The following CDC14A variants were observed in gnomAD, a reference collection of about 807,000 sequenced individuals.
CDC14A encodes the protein dual specificity protein phosphatase CDC14A.
A neutral mutation model predicts 74.4 loss-of-function variants in CDC14A; 53 were observed. The observed-to-expected ratio is 0.71, with a 90% CI of 0.57 to 0.89. The LOEUF (loss-of-function observed/expected upper bound fraction) is 0.89, where lower values mean the gene tolerates loss of function less well. CDC14A is among the 40% of genes least tolerant of loss of function. The pLI, the probability that CDC14A is intolerant of heterozygous loss-of-function variation, is 0.00. For missense variants in CDC14A, 646 were observed against 713.7 expected (o/e 0.91, Z 1.08); for synonymous variants, 247 against 258.4 (o/e 0.96, Z 0.43).
intron 15 of CDC14A, chr1:100,499,533 A>G: frequency 1.9e-6 from 2 of 1,044,762 alleles, no homozygotes; most frequent in South Asian, 4.1e-5. Context: ...TAAAAGGGAA[A>G]TAGCTTTCAT....
chr1:100,360,970 C>T (rs776456314), intron 2 of CDC14A, among the ~76,000 whole-genome samples: 14 of 151,974 alleles, frequency 9.2e-5, no homozygotes, highest in African/African-American at 3.1e-4. Flanking sequence ...CACCACAGGG[C>T]GGCTTCATTA....
At chr1:100,353,034 G>A in intron 1 of CDC14A, 31 bp downstream of exon 1, 1 of 1,611,322 alleles carries the variant, frequency 6.2e-7, no homozygotes, top group African/African-American at 1.3e-5. Context: ...ATCTTCCAAC[G>A]CTTTCTTGCC....
intron 4 of CDC14A, among the ~76,000 whole-genome samples, chr1:100,420,063 C>CACATATATATATATATATAT: frequency 2.6e-4 from 16 of 61,594 alleles, no homozygotes; most frequent in Non-Finnish European, 3.8e-4. Flanking sequence ...CACACACACA[C>CACATATATATATATATATAT]ATATATATAT....
intron 8 of CDC14A, among the ~76,000 whole-genome samples, chr1:100,457,170 AC>A (rs1420027466): frequency 6.6e-6 from 1 of 152,216 alleles, no homozygotes; most frequent in African/African-American, 2.4e-5. Flanking sequence ...GTGTTTGACT[AC>A]GTTTTCTTAA....
intron 4 of CDC14A, among the ~76,000 whole-genome samples, chr1:100,394,863 G>A (rs1333174448): frequency 6.6e-6 from 1 of 152,182 alleles, no homozygotes; most frequent in Non-Finnish European, 1.5e-5. Flanking sequence ...TTTACTTGTT[G>A]ACAGTCTTGT....
At chr1:100,396,021 G>A (rs997574264) in intron 4 of CDC14A, among the ~76,000 whole-genome samples, 7 of 152,142 alleles carry the variant, frequency 4.6e-5, no homozygotes, top group African/African-American at 1.7e-4. Context: ...TTTCTTTACA[G>A]CATGCTACTA....
intron 1 of CDC14A, 107 bp downstream of exon 1, chr1:100,353,110 G>T: frequency 8.1e-7 from 1 of 1,228,662 alleles, no homozygotes; most frequent in Non-Finnish European, 1.2e-6. Flanking sequence ...TCCTGCAGCC[G>T]CTGCGCGCGC....
chr1:100,383,383 C>T (rs1656420111), intron 3 of CDC14A: 1 of 152,586 alleles, frequency 6.6e-6, no homozygotes, highest in East Asian at 1.9e-4. Flanking sequence ...CACAGAGACA[C>T]CTTTTTCTTT....
At chr1:100,366,317 T>A (rs1026315460) in intron 2 of CDC14A, among the ~76,000 whole-genome samples, 36 of 152,254 alleles carry the variant, frequency 2.4e-4, no homozygotes, top group Admixed American at 2.3e-3. Context: ...TTTTGTTGAA[T>A]GAATGAGTAC....
chr1:100,412,723 T>TATATATATA (rs1491148182), intron 4 of CDC14A, among the ~76,000 whole-genome samples: 3 of 83,722 alleles, frequency 3.6e-5, no homozygotes, highest in African/African-American at 3.0e-4. Flanking sequence ...TATATATATA[T>TATATATATA]TTTATATATA....
chr1:100,424,516 C>T (rs960251418), intron 5 of CDC14A, among the ~76,000 whole-genome samples: 2 of 152,016 alleles, frequency 1.3e-5, no homozygotes, highest in South Asian at 2.1e-4. Context: ...TTATTTTTTT[C>T]TTTGAATCCT....
chr1:100,465,670 A>G (rs1268340036), intron 9 of CDC14A, among the ~76,000 whole-genome samples: 1 of 152,256 alleles, frequency 6.6e-6, no homozygotes, highest in East Asian at 1.9e-4. Flanking sequence ...TACAGAGATA[A>G]ACTAGAAACC....
chr1:100,493,848 G>A (rs1647369993), intron 11 of CDC14A, among the ~76,000 whole-genome samples: 2 of 152,138 alleles, frequency 1.3e-5, no homozygotes, highest in South Asian at 4.1e-4. Context: ...GATTGAGGAG[G>A]TATTGCGATG....
intron 15 of CDC14A, among the ~76,000 whole-genome samples, chr1:100,501,630 C>T (rs558867613): frequency 4.6e-5 from 7 of 152,126 alleles, no homozygotes; most frequent in African/African-American, 7.2e-5. Context: ...TACTTTATAT[C>T]GTTATTTTAG....
intron 10 of CDC14A, among the ~76,000 whole-genome samples, chr1:100,475,906 C>A (rs116772238): frequency 0.013 from 2,052 of 152,196 alleles, 49 homozygotes; most frequent in African/African-American, 0.046. Flanking sequence ...ATCTGACTCC[C>A]AACTTAGCCT....
At chr1:100,490,786 G>A (rs1347975862) in intron 11 of CDC14A, among the ~76,000 whole-genome samples, 2 of 152,078 alleles carry the variant, frequency 1.3e-5, no homozygotes, top group African/African-American at 4.8e-5. Context: ...CTCCTGGCTG[G>A]TAAACATAAA....
At chr1:100,490,058 T>C (rs1406655052) in intron 11 of CDC14A, among the ~76,000 whole-genome samples, 2 of 152,210 alleles carry the variant, frequency 1.3e-5, no homozygotes, top group African/African-American at 4.8e-5. Context: ...GAGAAAAGTC[T>C]TCAAACACTC....
At chr1:100,372,997 G>A (rs1367370815) in intron 2 of CDC14A, among the ~76,000 whole-genome samples, 1 of 152,146 alleles carries the variant, frequency 6.6e-6, no homozygotes, top group African/African-American at 2.4e-5. Flanking sequence ...TCATTCATAT[G>A]TTCACTGGGG....
At chr1:100,451,619 T>A (rs1174987295) in intron 7 of CDC14A, among the ~76,000 whole-genome samples, 1 of 152,246 alleles carries the variant, frequency 6.6e-6, no homozygotes. Flanking sequence ...AGGCACTTTT[T>A]AAATGAATTT....
Sources: gnomAD v4.1 joint callset for allele counts (sites outside exome capture counted in the v4.1 genomes callset) on GRCh38, gnomAD v4.1.1 for gene constraint, MANE v1.5 for transcripts, NCBI Gene and HGNC (gene_info 2026-07-23, HGNC 2026-07-21) for gene names.